TBXAS1: variants seen among roughly 807,000 people sequenced by gnomAD.
TBXAS1 encodes thromboxane A synthase 1.
A neutral mutation model predicts 60.7 loss-of-function variants in TBXAS1; 48 were observed. The observed-to-expected ratio is 0.79, with a 90% confidence interval of 0.63 to 1.01. TBXAS1 has a LOEUF of 1.01. TBXAS1 is among the 50% of genes least tolerant of loss of function. The probability of loss-of-function intolerance (pLI) is 0.00; values close to 1 mark genes in which losing one functional copy is unlikely to be tolerated. For missense variants in TBXAS1, 685 were observed against 686.3 expected (o/e 1.00, Z 0.02); for synonymous variants, 287 against 269.7 (o/e 1.06, Z -0.63).
intron 4 of TBXAS1, among the ~76,000 whole-genome samples, chr7:139,930,415 T>C (rs1158938459): frequency 2.0e-5 from 3 of 152,110 alleles, no homozygotes; most frequent in African/African-American, 7.2e-5. Flanking sequence ...ACAACTATCC[T>C]AAGAGGTCGG....
At chr7:139,940,614 C>A (rs1193157209) in intron 5 of TBXAS1, among the ~76,000 whole-genome samples, 1 of 152,048 alleles carries the variant, frequency 6.6e-6, no homozygotes, top group Non-Finnish European at 1.5e-5. Context: ...AGGACCTGGC[C>A]CCTGAACCCC....
intron 4 of TBXAS1, among the ~76,000 whole-genome samples, chr7:139,920,946 G>T (rs914986034): frequency 6.6e-6 from 1 of 152,170 alleles, no homozygotes; most frequent in African/African-American, 2.4e-5. Context: ...TTGCAGGTCA[G>T]GTTGCTTCCA....
rs902681697 is a variant in TBXAS1, at chr7:139,836,642, C to T, written c.89+7163C>T. Reference sequence around the variant, plus strand: ...GGAGAATGAAACTGGATTCTCATTTCTCACTTTATTCAAAAATCAACCCAA... The same window carrying T: ...GGAGAATGAAACTGGATTCTCATTTTTCACTTTATTCAAAAATCAACCCAA... On this transcript the variant is annotated intron_variant, in intron 1 of 12. Coordinates refer to ENST00000448866, the MANE Select transcript of TBXAS1 (RefSeq NM_001061.7). 2.6e-5 allele frequency among the ~76,000 whole-genome samples: 4 copies of T among 152,172 alleles called. No individual in the cohort carries two copies. In the East Asian group the frequency reaches 5.8e-4, roughly 22 times the overall value.
chr7:139,829,063 A>G (rs971283273), upstream of TBXAS1: 10 of 422,326 alleles, frequency 2.4e-5, no homozygotes, highest in South Asian at 5.9e-5. Flanking sequence ...GTCCGTGGTT[A>G]CAACCATTTT....
chr7:139,875,763 T>C, intron 3 of TBXAS1, 126 bp downstream of exon 3: 1 of 1,266,600 alleles, frequency 7.9e-7, no homozygotes, highest in East Asian at 2.5e-5. Context: ...GTGTTTCTAT[T>C]TTTCAAAGGG....
chr7:139,998,431 G>C (rs1457710971), intron 9 of TBXAS1, among the ~76,000 whole-genome samples: 1 of 152,156 alleles, frequency 6.6e-6, no homozygotes, highest in East Asian at 1.9e-4. Context: ...GGTAAGACCA[G>C]GTAGGCCCAG....
At chr7:139,826,238 G>C (rs969665673), upstream of TBXAS1, among the ~76,000 whole-genome samples, 1 of 152,126 alleles carries the variant, frequency 6.6e-6, no homozygotes, top group Non-Finnish European at 1.5e-5. Context: ...GAGAGAATGG[G>C]TTAGCCTCTC....
chr7:139,806,409 C>A (rs967253704), intron 4 of TBXAS1, among the ~76,000 whole-genome samples: 1 of 151,690 alleles, frequency 6.6e-6, no homozygotes, highest in Non-Finnish European at 1.5e-5. Flanking sequence ...ATTACAGGCG[C>A]GCTCTACCAT....
intron 9 of TBXAS1, among the ~76,000 whole-genome samples, chr7:140,006,621 CTTT>C (rs1276944108): frequency 6.6e-6 from 1 of 152,134 alleles, no homozygotes; most frequent in Non-Finnish European, 1.5e-5. Context: ...ATGTGGCAAA[CTTT>C]TTTATTTGCT....
chr7:139,879,648 T>G (rs1392903278), intron 3 of TBXAS1, among the ~76,000 whole-genome samples: 1 of 152,040 alleles, frequency 6.6e-6, no homozygotes, highest in Non-Finnish European at 1.5e-5. Context: ...ATTCAATATA[T>G]CCTGTTTGGA....
At chr7:139,788,310 G>A (rs1474453791) in intron 4 of TBXAS1, among the ~76,000 whole-genome samples, 2 of 152,128 alleles carry the variant, frequency 1.3e-5, no homozygotes, top group Non-Finnish European at 2.9e-5. Context: ...TATCTGCATA[G>A]TATTTATTCT....
chr7:139,794,906 G>A (rs1181502840), intron 4 of TBXAS1, among the ~76,000 whole-genome samples: 4 of 146,640 alleles, frequency 2.7e-5, no homozygotes, highest in Non-Finnish European at 6.0e-5. Context: ...TCTTAATCCA[G>A]TCTATCATTG....
chr7:139,865,849 AAGG>A (rs1335590065), intron 1 of TBXAS1, among the ~76,000 whole-genome samples: 5 of 94,776 alleles, frequency 5.3e-5, no homozygotes, highest in Admixed American at 1.1e-4. Flanking sequence ...AGGAAGAAGG[AAGG>A]AGGGAGGGAG....
chr7:139,804,662 T>C (rs1797799913), intron 4 of TBXAS1, among the ~76,000 whole-genome samples: 1 of 151,976 alleles, frequency 6.6e-6, no homozygotes, highest in Non-Finnish European at 1.5e-5. Context: ...GGGGGTGGGT[T>C]TTTCCTGTGC....
At chr7:139,805,690 CTTTCTTTCTTTCTTTCTTTCTT>C (rs1370155636) in intron 4 of TBXAS1, among the ~76,000 whole-genome samples, 434 of 28,254 alleles carry the variant, frequency 0.015, 2 homozygotes, top group African/African-American at 0.037. Flanking sequence ...TTCTTTCTTT[CTTTCTTTCTTTCTTTCTTTCTT>C]TCTCTCTCTC....
Position 139,999,759 on chromosome 7 carries a change from C to T in TBXAS1, c.1135-7332C>T, listed in dbSNP as rs1813537350. ...AGGGCAAGGGCCAGCATCACTTGGC[C>T]TACTTCTTAGTATAAGACCAAGTCT... is the stretch of plus-strand genomic sequence containing the variant. On this transcript the variant is annotated intron_variant, in intron 9 of 12. Coordinates refer to ENST00000448866, the MANE Select transcript of TBXAS1 (RefSeq NM_001061.7). The surrounding 1 kb of genome is among the most constrained non-coding windows in gnomAD (Gnocchi z 4.3). 6.6e-6 allele frequency among the ~76,000 whole-genome samples: 1 copy of T among 152,210 alleles called. No homozygotes were observed. The highest frequency in any genetic ancestry group is 6.5e-5 in the Admixed American group (1 of 15,284).
At chr7:139,789,936 A>G (rs1010129745) in intron 4 of TBXAS1, among the ~76,000 whole-genome samples, 19 of 152,054 alleles carry the variant, frequency 1.2e-4, no homozygotes, top group Non-Finnish European at 2.4e-4. Flanking sequence ...CGGCCTAAAC[A>G]TATTTTCTTC....
intron 3 of TBXAS1, among the ~76,000 whole-genome samples, chr7:139,878,502 T>C (rs1276146242): frequency 2.0e-5 from 3 of 152,198 alleles, no homozygotes; most frequent in Non-Finnish European, 4.4e-5. Context: ...CTATCAACTT[T>C]TCTCCTTTGG....
chr7:139,812,172 A>G (rs1798035438), intron 4 of TBXAS1, among the ~76,000 whole-genome samples: 1 of 152,234 alleles, frequency 6.6e-6, no homozygotes, highest in African/African-American at 2.4e-5. Context: ...CTTGTGTGCC[A>G]TAAAAATAGC....
Sources: allele counts gnomAD v4.1 joint callset (sites outside exome capture counted in the v4.1 genomes callset), GRCh38; gene constraint gnomAD v4.1.1; non-coding constraint Gnocchi (gnomAD v3.1); transcripts MANE v1.5; gene names NCBI Gene and HGNC (gene_info 2026-07-23, HGNC 2026-07-21).